Variants in PSAP observed in about 807,000 individuals in gnomAD.
PSAP encodes prosaposin, also known as precursor of saposins.
In PSAP, 25 loss-of-function variants were observed where a neutral mutation model predicts 66.0. The observed-to-expected ratio is 0.38, with a 90% CI of 0.28 to 0.53. The LOEUF is 0.53. PSAP is among the 20% of genes least tolerant of loss of function. PSAP has a pLI of 0.83. For synonymous variants in PSAP, 273 were observed against 258.9 expected (o/e 1.05, Z -0.52); for missense variants, 649 against 668.8 (o/e 0.97, Z 0.33).
Position 71,834,652 on chromosome 10 carries a change from C to CA in PSAP, c.41-148dup. ...CAAGCTGTATGGGACACCAGCCACA[C>CA]AGATACACGCCTGTCCCGGTCAAGA... On this transcript the variant is annotated intron_variant, in intron 1 of 13. Coordinates refer to ENST00000394936, the MANE Select transcript of PSAP (RefSeq NM_002778.4). The CA allele has an allele frequency of 3.0e-6, 3 of 1,014,344 alleles. No homozygotes were observed. In the Admixed American group the frequency reaches 6.0e-5, roughly 20 times the overall value. The allele number at this position is 1,014,344 out of a possible 1,614,324, so 62.8% of individuals were successfully genotyped here. A position where few individuals can be genotyped will look rare whatever the true frequency, so the allele number is the denominator to read the frequency against.
At chr10:71,817,529 C>T (rs1005213414) in intron 13 of PSAP, 53 bp from the exon 14 acceptor site, 27 of 1,572,984 alleles carry the variant, frequency 1.7e-5, no homozygotes, top group East Asian at 4.5e-5. Flanking sequence ...ACTCCGTTCC[C>T]GGCCCATCAA....
intron 7 of PSAP, chr10:71,823,850 A>T: frequency 7.8e-7 from 1 of 1,283,852 alleles, no homozygotes; most frequent in Non-Finnish European, 1.0e-6. Context: ...TAGAGGAAGC[A>T]GCAGACCACT....
chr10:71,851,031 G>C (rs1377901994), intron 1 of PSAP, 151 bp downstream of exon 1: 1 of 925,030 alleles, frequency 1.1e-6, no homozygotes, highest in Admixed American at 2.2e-5. Flanking sequence ...GAGAAAGCCA[G>C]AGAAAGCCAG....
rs1394352357 is a variant in PSAP, at chr10:71,817,085, C to G, written c.*356G>C. 9.7e-6 allele frequency: 4 copies of G among 411,902 alleles called. No homozygotes were observed. Among genetic ancestry groups the G allele is most frequent in the African/African-American group, 6.1e-5 (3 of 49,256 alleles). 25.5% of individuals were successfully genotyped at this position (411,902 alleles called of 1,614,324 possible). A position where few individuals can be genotyped will look rare whatever the true frequency, so the allele number is the denominator to read the frequency against. The stretch of plus-strand genomic sequence containing the variant: ...ACCAGTGCCCAAGCACATGTCAGGG[C>G]TCAGAACAAGGCCTCAACCAAGAGG... On this transcript the variant is annotated 3_prime_UTR_variant, in exon 14 of 14. Transcript: ENST00000394936.
At chr10:71,818,898 A>G (rs1842233206) in intron 12 of PSAP, 133 bp downstream of exon 12, 1 of 1,057,454 alleles carries the variant, frequency 9.5e-7, no homozygotes, top group African/African-American at 1.6e-5. Context: ...CTGGCTCCCT[A>G]CCTTCTTGGC....
In PSAP at chr10:71,829,030, G is replaced by A. The variant is rs780891597; in HGVS notation, c.423C>T (p.Leu141=). The A allele has an allele frequency of 5.6e-6, 9 of 1,614,022 alleles. No homozygotes were observed. In the Admixed American group the frequency reaches 1.0e-4, roughly 18 times the overall value. The change falls in exon 5 of 14, where the codon CTC becomes CTT. Residue 141 remains leucine (L), a synonymous_variant. Coordinates refer to ENST00000394936, the MANE Select transcript of PSAP (RefSeq NM_002778.4). ...GATTCAGCTCTGCTAGGTGCTTCTG[G>A]AGAGACTCGCAGAGGTTGAGAGCAG... ...VCSALNLCES[L]QKHLAELNHQ...
At chr10:71,837,469 C>G (rs1358142535) in intron 1 of PSAP, among the ~76,000 whole-genome samples, 1 of 152,222 alleles carries the variant, frequency 6.6e-6, no homozygotes, top group Admixed American at 6.5e-5. Flanking sequence ...TTTCTCCTAG[C>G]ACTTGAGGAA....
intron 4 of PSAP, 33 bp downstream of exon 4, chr10:71,831,093 C>A (rs769352666): frequency 3.7e-6 from 6 of 1,612,924 alleles, no homozygotes; most frequent in Non-Finnish European, 5.1e-6. Context: ...CCCAGAAGCA[C>A]CTTCAAGGAA....
intron 7 of PSAP, chr10:71,823,863 T>C: frequency 7.8e-7 from 1 of 1,289,268 alleles, no homozygotes; most frequent in Non-Finnish European, 1.0e-6. Context: ...AGACCACTAC[T>C]GCAAGCAGAT....
At chr10:71,820,394 G>C in intron 8 of PSAP, 59 bp from the exon 9 acceptor site, 1 of 1,451,122 alleles carries the variant, frequency 6.9e-7, no homozygotes, top group Admixed American at 1.7e-5. Flanking sequence ...CCTTGGTCTT[G>C]CTCCCCTAAA....
chr10:71,817,125 G>C lies in PSAP; in HGVS notation c.*316C>G, dbSNP rs962436100. ...CAACCAAGAGGGTTGATGGCCTCCA[G>C]TCAAGAAACTGTGGCTCATGCCAGC... On this transcript the variant is annotated 3_prime_UTR_variant, in exon 14 of 14. Coordinates refer to ENST00000394936, the MANE Select transcript of PSAP (RefSeq NM_002778.4). The C allele has an allele frequency of 8.4e-6, 4 of 475,096 alleles. No homozygotes were observed. Among genetic ancestry groups the C allele is most frequent in the African/African-American group, 2.0e-5 (1 of 50,932 alleles). The allele number at this position is 475,096 out of a possible 1,614,324, so 29.4% of individuals were successfully genotyped here.
In PSAP at chr10:71,820,354, GA is replaced by G. The variant is rs746003312; in HGVS notation, c.910-20del. ...CGTGCTTCTGTGGAAAGAGTAGAAG[GA>G]GAGTACTTTCAATGCTGGGACTCAC... On this transcript the variant is annotated intron_variant, in intron 8 of 13. Transcript: ENST00000394936. 2 of 1,599,288 alleles carry G rather than the reference GA, an allele frequency of 1.3e-6. No individual in the cohort carries two copies. Among genetic ancestry groups the G allele is most frequent in the South Asian group, 2.2e-5 (2 of 90,734 alleles).
At chr10:71,821,440 T>C (rs755696216) in intron 8 of PSAP, among the ~76,000 whole-genome samples, 10 of 152,206 alleles carry the variant, frequency 6.6e-5, no homozygotes, top group Non-Finnish European at 1.5e-4. Flanking sequence ...TTAAATAAAA[T>C]AGACACCCAC....
chr10:71,821,728 G>T, intron 8 of PSAP, 148 bp downstream of exon 8: 1 of 1,077,584 alleles, frequency 9.3e-7, no homozygotes, highest in Non-Finnish European at 1.4e-6. Flanking sequence ...TAGGGGATAG[G>T]ATAAACCAGT....
At chr10:71,835,071 C>T (rs1165112485) in intron 1 of PSAP, among the ~76,000 whole-genome samples, 3 of 151,586 alleles carry the variant, frequency 2.0e-5, no homozygotes, top group Non-Finnish European at 4.4e-5. Flanking sequence ...CCCATCTCTA[C>T]TAAAAATACA....
intron 7 of PSAP, among the ~76,000 whole-genome samples, chr10:71,825,143 C>T (rs954340679): frequency 1.2e-4 from 18 of 152,104 alleles, no homozygotes; most frequent in African/African-American, 4.3e-4. Context: ...TTTGCTGACC[C>T]CTGGATCAGA....
chr10:71,832,814 G>A (rs1200081320), intron 2 of PSAP, among the ~76,000 whole-genome samples: 1 of 151,778 alleles, frequency 6.6e-6, no homozygotes, highest in Non-Finnish European at 1.5e-5. Context: ...TCAGGAGTTC[G>A]AGACCAGCCT....
chr10:71,849,874 T>C (rs914146770), intron 1 of PSAP, among the ~76,000 whole-genome samples: 1 of 152,116 alleles, frequency 6.6e-6, no homozygotes, highest in Non-Finnish European at 1.5e-5. Flanking sequence ...GAAAACCCTA[T>C]ATCGCCTTCA....
intron 6 of PSAP, 137 bp downstream of exon 6, chr10:71,827,877 G>T: frequency 1.7e-6 from 2 of 1,209,232 alleles, no homozygotes; most frequent in Non-Finnish European, 2.4e-6. Flanking sequence ...AACCAAAATA[G>T]ATTCAAGTCT....
Sources: allele counts gnomAD v4.1 joint callset (sites outside exome capture counted in the v4.1 genomes callset), GRCh38; gene constraint gnomAD v4.1.1; transcripts MANE v1.5; gene names NCBI Gene and HGNC (gene_info 2026-07-23, HGNC 2026-07-21).